Variants in BLM observed in about 807,000 individuals in gnomAD.
The protein encoded by BLM is BLM RecQ like helicase.
In BLM, 95 loss-of-function variants were observed where a neutral mutation model predicts 135.3. That is an observed-to-expected ratio of 0.70 (90% CI 0.59 to 0.83). The LOEUF (loss-of-function observed/expected upper bound fraction) is 0.83, where lower values mean the gene tolerates loss of function less well. Among genes scored for constraint, BLM ranks in the 40% least tolerant of loss-of-function variants. BLM has a pLI of 0.00. For synonymous variants in BLM, 520 were observed against 589.2 expected (o/e 0.88, Z 1.70); for missense variants, 1,518 against 1,663.9 (o/e 0.91, Z 1.53).
In BLM at chr15:90,814,963, A is replaced by C. The variant is rs190420858; in HGVS notation, c.4077-139A>C. 1.1e-4 allele frequency: 89 copies of C among 783,352 alleles called. No homozygotes were observed. The African/African-American group carries it at 1.4e-3, about 12-fold the overall frequency. 48.5% of individuals were successfully genotyped at this position (783,352 alleles called of 1,614,324 possible). A position where few individuals can be genotyped will look rare whatever the true frequency, so the allele number is the denominator to read the frequency against. ...GTAGTAAAGGAAACTTACCTTACCT[A>C]GGGGGCTCGTAGGCAGAAAATGCAC... On this transcript the variant is annotated intron_variant, in intron 21 of 21. Transcript: ENST00000355112.
chr15:90,720,457 A>G (rs1894735058), intron 1 of BLM, among the ~76,000 whole-genome samples: 1 of 152,194 alleles, frequency 6.6e-6, no homozygotes, highest in Non-Finnish European at 1.5e-5. Context: ...TCTTTCAAAC[A>G]CTTGAACTAT....
rs1024172175 is a variant in BLM, at chr15:90,790,665, T to C, written c.2840T>C (p.Ile947Thr). 18 of 1,614,032 alleles carry C rather than the reference T, an allele frequency of 1.1e-5. No homozygotes were observed. In the African/African-American group the frequency reaches 1.2e-4, roughly 11 times the overall value. The change falls in exon 15 of 22, where the codon ATT (isoleucine) becomes ACT (threonine). Residue 947 changes from isoleucine to threonine, a missense_variant. This residue lies in a region of BLM where 626 missense variants were observed against 681.1 expected (regional missense o/e 0.92). Coordinates refer to ENST00000355112, the MANE Select transcript of BLM (RefSeq NM_000057.4). ...QDGCQVICAT[I>T]AFGMGIDKPD... is the part of the protein sequence containing the mutation. ...TTATATCAGGTTATCTGTGCTACAATTGCATTTGGAATGGGGATTGACAAA... is the reference window on the plus strand; with the variant it reads ...TTATATCAGGTTATCTGTGCTACAACTGCATTTGGAATGGGGATTGACAAA...
rs1896888447 is a variant in BLM at position 90,790,817 on chromosome 15, G to A, written c.2992G>A (p.Val998Met). 6.2e-7 allele frequency: 1 copy of A among 1,614,026 alleles called. No homozygotes were observed. Among genetic ancestry groups the A allele is most frequent in the South Asian group, 1.1e-5 (1 of 91,084 alleles). The change falls in exon 15 of 22, where the codon GTG becomes ATG. Residue 998 changes from valine to methionine, a missense_variant. Coordinates refer to ENST00000355112, the MANE Select transcript of BLM (RefSeq NM_000057.4). ...CCTGCTTTTCTATACCTATCATGAT[G>A]TGACCAGACTGAAAAGACTTATAAT... ...HCLLFYTYHD[V>M]TRLKRLIMME...
intron 14 of BLM, among the ~76,000 whole-genome samples, chr15:90,787,703 C>T (rs1057473172): frequency 6.6e-6 from 1 of 152,132 alleles, no homozygotes; most frequent in African/African-American, 2.4e-5. Flanking sequence ...AATCCCACCA[C>T]TTTGAGAGGC....
chr15:90,755,025 G>A, intron 5 of BLM, 87 bp downstream of exon 5: 1 of 1,505,678 alleles, frequency 6.6e-7, no homozygotes, highest in Non-Finnish European at 9.1e-7. Context: ...TTGAACCTGT[G>A]GCTGTATGTT....
chr15:90,766,782 G>A, intron 9 of BLM, 128 bp from the exon 10 acceptor site: 1 of 654,254 alleles, frequency 1.5e-6, no homozygotes, highest in South Asian at 1.9e-5. Context: ...TACTTGTTAT[G>A]TTGAGATATG....
At chr15:90,752,250 A>G (rs1895708134) in intron 4 of BLM, among the ~76,000 whole-genome samples, 1 of 150,324 alleles carries the variant, frequency 6.7e-6, no homozygotes, top group Non-Finnish European at 1.5e-5. Flanking sequence ...ATCTTGGCTC[A>G]CTGCAGCCTC....
chr15:90,815,343 A>T lies in BLM; in HGVS notation c.*64A>T. ...TGTCAGCATCTGACCATCTGTGACTATAAAGCTGTTATTCTTGTTATACCA... is the reference window on the plus strand; with the variant it reads ...TGTCAGCATCTGACCATCTGTGACTTTAAAGCTGTTATTCTTGTTATACCA... On this transcript the variant is annotated 3_prime_UTR_variant, in exon 22 of 22. Transcript: ENST00000355112. The surrounding 1 kb of genome is among the most constrained non-coding windows in gnomAD (Gnocchi z 4.6). 6.4e-7 allele frequency: 1 copy of T among 1,550,842 alleles called. No individual in the cohort carries two copies. The highest frequency in any genetic ancestry group is 2.2e-5 in the East Asian group (1 of 44,598).
rs1205623369 is a variant in BLM at position 90,755,898 on chromosome 15, G to A, written c.1087+960G>A. 3.9e-5 allele frequency among the ~76,000 whole-genome samples: 6 copies of A among 152,072 alleles called. No homozygotes were observed. The East Asian group carries it at 7.7e-4, about 20-fold the overall frequency. On this transcript the variant is annotated intron_variant, in intron 5 of 21. Transcript: ENST00000355112. ...CTGAGGGCTGCTGGGCTTTTTTAGC[G>A]ACGTCTGCATGCATGTGCGGGTCAT... is the stretch of plus-strand genomic sequence containing the variant.
intron 12 of BLM, among the ~76,000 whole-genome samples, chr15:90,770,319 C>T (rs559326230): frequency 3.9e-5 from 6 of 152,126 alleles, no homozygotes; most frequent in Non-Finnish European, 7.4e-5. Flanking sequence ...GGACTGTAGG[C>T]GCCCGCCACC....
intron 12 of BLM, among the ~76,000 whole-genome samples, chr15:90,782,075 G>T (rs1415445842): frequency 6.6e-6 from 1 of 152,068 alleles, no homozygotes; most frequent in African/African-American, 2.4e-5. Flanking sequence ...TAAGCTGCTA[G>T]CGACAATATT....
At chr15:90,722,725 C>T (rs1372879065) in intron 1 of BLM, among the ~76,000 whole-genome samples, 1 of 152,106 alleles carries the variant, frequency 6.6e-6, no homozygotes, top group Non-Finnish European at 1.5e-5. Flanking sequence ...ATTATAGTTA[C>T]ACATAACTAT....
At position 90,794,213 on chromosome 15, in the gene BLM, T is replaced by C; in HGVS notation, c.3066T>C (p.Asn1022=). The C allele has an allele frequency of 6.2e-7, 1 of 1,606,410 alleles. No homozygotes were observed. The highest frequency in any genetic ancestry group is 8.5e-7 in the Non-Finnish European group (1 of 1,175,578). Residue 1022 remains asparagine (N), a synonymous_variant, in exon 16 of 22, where the codon AAT becomes AAC. Coordinates refer to ENST00000355112, the MANE Select transcript of BLM (RefSeq NM_000057.4). The part of the protein sequence containing the change: ...NHHTRETHFN[N]LYSMVHYCEN... ...ATACAAGAGAAACTCACTTCAATAATTTGTATAGCATGGTACATTACTGTG... is the reference window on the plus strand; with the variant it reads ...ATACAAGAGAAACTCACTTCAATAACTTGTATAGCATGGTACATTACTGTG...
At chr15:90,770,725 G>A (rs1231122377) in intron 12 of BLM, among the ~76,000 whole-genome samples, 2 of 152,170 alleles carry the variant, frequency 1.3e-5, no homozygotes, top group East Asian at 1.9e-4. Flanking sequence ...TTTAAAGCAC[G>A]GCTTTTGTTC....
intron 1 of BLM, among the ~76,000 whole-genome samples, chr15:90,733,840 T>C (rs1279727673): frequency 6.6e-6 from 1 of 152,242 alleles, no homozygotes; most frequent in Non-Finnish European, 1.5e-5. Context: ...TCTGTCACTG[T>C]AGAATAATTA....
At position 90,765,390 on chromosome 15, in the gene BLM, A is replaced by G. The variant is rs781635047; in HGVS notation, c.2169A>G (p.Gln723=). Residue 723 remains glutamine (Q), a synonymous_variant, in exon 9 of 22, where the codon CAA becomes CAG. Coordinates refer to ENST00000355112, the MANE Select transcript of BLM (RefSeq NM_000057.4). ...ISPLRSLIVD[Q]VQKLTSLDIP... ...CCTTGAGATCACTTATCGTAGATCA[A>G]GTCCAAAAGCTGACTTCCTTGGATG... is the stretch of plus-strand genomic sequence containing the variant. The G allele has an allele frequency of 3.7e-6, 6 of 1,611,012 alleles. No individual in the cohort carries two copies. In the South Asian group the frequency reaches 6.6e-5, roughly 18 times the overall value.
intron 2 of BLM, among the ~76,000 whole-genome samples, chr15:90,748,112 T>C (rs932428954): frequency 3.3e-5 from 5 of 151,316 alleles, no homozygotes; most frequent in Non-Finnish European, 7.4e-5. Flanking sequence ...AGCCTTTTTT[T>C]TTTTTTCTTT....
intron 12 of BLM, among the ~76,000 whole-genome samples, chr15:90,778,100 G>A (rs904212454): frequency 4.6e-5 from 7 of 152,198 alleles, no homozygotes; most frequent in African/African-American, 1.7e-4. Context: ...AACTCCAAGG[G>A]TCTATTAACT....
chr15:90,725,888 T>A (rs917090829), intron 1 of BLM, among the ~76,000 whole-genome samples: 2 of 152,086 alleles, frequency 1.3e-5, no homozygotes, highest in African/African-American at 4.8e-5. Flanking sequence ...TATATAGTTA[T>A]CTACATTTTT....
Sources: allele counts gnomAD v4.1 joint callset (sites outside exome capture counted in the v4.1 genomes callset), GRCh38; gene constraint gnomAD v4.1.1; regional missense constraint gnomAD v4.1.1; non-coding constraint Gnocchi (gnomAD v3.1); transcripts MANE v1.5; gene names NCBI Gene and HGNC (gene_info 2026-07-23, HGNC 2026-07-21).